The following SNTG1 variants were observed in gnomAD, a reference collection of about 807,000 sequenced individuals.
SNTG1 encodes gamma-1-syntrophin.
SNTG1 carries 39 observed loss-of-function variants against 74.7 expected under a neutral mutation model. The ratio of observed to expected loss-of-function variants is 0.52; its 90% CI spans 0.40 to 0.68. SNTG1 has a LOEUF of 0.68. Ranked by LOEUF, SNTG1 falls within the 30% of genes least tolerant of loss-of-function variation. The pLI, the probability that SNTG1 is intolerant of heterozygous loss-of-function variation, is 0.00. For synonymous variants in SNTG1, 254 were observed against 217.1 expected (o/e 1.17, Z -1.49); for missense variants, 685 against 609.5 (o/e 1.12, Z -1.30).
rs567571537 is a variant in SNTG1 at position 50,496,197 on chromosome 8, A to AT, written c.364-6580dup. Among the ~76,000 whole-genome samples the AT allele has an allele frequency of 2.7e-4, 41 of 152,268 alleles. 1 individual carries two copies. The East Asian group carries it at 3.5e-3, about 13-fold the overall frequency. On this transcript the variant is annotated intron_variant, in intron 8 of 18. Coordinates refer to ENST00000642720, the MANE Select transcript of SNTG1 (RefSeq NM_018967.5). The stretch of plus-strand genomic sequence containing the variant: ...TACTATGTCAAGTGGGATGAGTCCA[A>AT]TATCTAAGTGACCGTTTTCCATCAT...
intron 8 of SNTG1, among the ~76,000 whole-genome samples, chr8:50,476,857 G>GACACACACAGACAC (rs1554540527): frequency 6.9e-6 from 1 of 145,862 alleles, no homozygotes; most frequent in East Asian, 2.1e-4. Flanking sequence ...GACACACACA[G>GACACACACAGACAC]ACACACACAC....
chr8:50,782,288 C>G (rs2095661926), intron 18 of SNTG1, among the ~76,000 whole-genome samples: 1 of 152,174 alleles, frequency 6.6e-6, no homozygotes, highest in African/African-American at 2.4e-5. Flanking sequence ...TGGATAATAT[C>G]CTGCAGAGTG....
At chr8:50,489,685 T>A (rs2093832801) in intron 8 of SNTG1, among the ~76,000 whole-genome samples, 1 of 151,272 alleles carries the variant, frequency 6.6e-6, no homozygotes, top group Non-Finnish European at 1.5e-5. Context: ...CCCTTTGCCA[T>A]ATGGATAGAT....
At chr8:50,713,049 G>A (rs1337167272) in intron 17 of SNTG1, among the ~76,000 whole-genome samples, 1 of 152,094 alleles carries the variant, frequency 6.6e-6, no homozygotes, top group African/African-American at 2.4e-5. Context: ...TGGTATTTCT[G>A]GTTCTAGGTC....
chr8:50,374,146 C>T (rs574344952), intron 2 of SNTG1, among the ~76,000 whole-genome samples: 3 of 152,362 alleles, frequency 2.0e-5, no homozygotes, highest in Non-Finnish European at 4.4e-5. Flanking sequence ...CCACAATTTT[C>T]ACTGTCTTTT....
chr8:49,966,772 T>G (rs943493311), intron 1 of SNTG1, among the ~76,000 whole-genome samples: 1 of 152,200 alleles, frequency 6.6e-6, no homozygotes, highest in African/African-American at 2.4e-5. Context: ...ATTCCATTGG[T>G]AGTGAATTTG....
At chr8:50,047,987 T>G (rs900108540) in intron 1 of SNTG1, among the ~76,000 whole-genome samples, 1 of 152,148 alleles carries the variant, frequency 6.6e-6, no homozygotes, top group Non-Finnish European at 1.5e-5. Flanking sequence ...TTCAGAGTAT[T>G]AAATGAGAGG....
intron 13 of SNTG1, among the ~76,000 whole-genome samples, chr8:50,648,864 C>A (rs1380113215): frequency 6.6e-6 from 1 of 152,114 alleles, no homozygotes; most frequent in Non-Finnish European, 1.5e-5. Flanking sequence ...TAACTGTTAT[C>A]CTGAAAGGCT....
At chr8:50,747,607 T>A (rs2095558047) in intron 17 of SNTG1, among the ~76,000 whole-genome samples, 1 of 152,022 alleles carries the variant, frequency 6.6e-6, no homozygotes, top group African/African-American at 2.4e-5. Flanking sequence ...CATGTCGAAT[T>A]TTCCTTTTAC....
In SNTG1 at chr8:50,138,691, C is replaced by T. The variant is rs568458347; in HGVS notation, c.-102-33870C>T. 1.9e-4 allele frequency among the ~76,000 whole-genome samples: 29 copies of T among 150,562 alleles called. No homozygotes were observed. In the South Asian group the frequency reaches 3.8e-3, roughly 20 times the overall value. ...ATAATTCCTTGAAAGACTCATGCAC[C>T]TTCAAAGCACTGAAGGACATGCAGT... On this transcript the variant is annotated intron_variant, in intron 1 of 18. Coordinates refer to ENST00000642720, the MANE Select transcript of SNTG1 (RefSeq NM_018967.5).
chr8:49,994,519 C>A (rs1814016081), intron 1 of SNTG1, among the ~76,000 whole-genome samples: 1 of 151,506 alleles, frequency 6.6e-6, no homozygotes, highest in South Asian at 2.1e-4. Flanking sequence ...CCTGCCTTGG[C>A]CTCCCAAAGT....
At chr8:50,653,348 C>G (rs758308847) in intron 13 of SNTG1, among the ~76,000 whole-genome samples, 1 of 152,098 alleles carries the variant, frequency 6.6e-6, no homozygotes, top group East Asian at 1.9e-4. Context: ...AAGAGGATCA[C>G]TTGAGCTGGG....
intron 2 of SNTG1, among the ~76,000 whole-genome samples, chr8:50,248,364 C>T (rs1016953183): frequency 6.6e-6 from 1 of 152,158 alleles, no homozygotes; most frequent in Non-Finnish European, 1.5e-5. Flanking sequence ...CTTTCAATTT[C>T]TCTTCAGCCA....
chr8:50,570,552 C>T (rs1051881954), intron 12 of SNTG1, among the ~76,000 whole-genome samples: 1 of 145,152 alleles, frequency 6.9e-6, no homozygotes, highest in African/African-American at 2.5e-5. Context: ...GCCACCACGT[C>T]CAGCCTTATT....
rs554944950 is a variant in SNTG1, at chr8:50,348,609, C to T, written c.-27-45603C>T. ...TAATGTAGGATGATAAATCAGAAAT[C>T]CCTTCCTTGATTCAGAATACTTTCT... is the stretch of plus-strand genomic sequence containing the variant. On this transcript the variant is annotated intron_variant, in intron 2 of 18. Transcript: ENST00000642720. Among the ~76,000 whole-genome samples, 14 of 152,258 alleles carry T rather than the reference C, an allele frequency of 9.2e-5. No homozygotes were observed. In the South Asian group the frequency reaches 2.9e-3, roughly 32 times the overall value.
chr8:50,443,812 C>A (rs2131592642), intron 5 of SNTG1, among the ~76,000 whole-genome samples: 1 of 152,230 alleles, frequency 6.6e-6, no homozygotes, highest in Admixed American at 6.5e-5. Flanking sequence ...TGTTTCCTCT[C>A]TATGCTGTTT....
chr8:50,176,301 C>T (rs1327759664), intron 2 of SNTG1, among the ~76,000 whole-genome samples: 1 of 152,160 alleles, frequency 6.6e-6, no homozygotes, highest in African/African-American at 2.4e-5. Context: ...TCCCAGTACT[C>T]TCAGACAGAT....
At chr8:50,039,022 T>C (rs1239839298) in intron 1 of SNTG1, among the ~76,000 whole-genome samples, 2 of 152,200 alleles carry the variant, frequency 1.3e-5, no homozygotes, top group East Asian at 3.9e-4. Flanking sequence ...TGCCTTGTGC[T>C]TCTCATAGCT....
chr8:50,136,172 T>G (rs931685028), intron 1 of SNTG1, among the ~76,000 whole-genome samples: 3 of 152,174 alleles, frequency 2.0e-5, no homozygotes, highest in Admixed American at 6.5e-5. Flanking sequence ...ATATTTAGGT[T>G]GATTTCATGG....
Sources: allele counts gnomAD v4.1 joint callset (sites outside exome capture counted in the v4.1 genomes callset), GRCh38; gene constraint gnomAD v4.1.1; transcripts MANE v1.5; gene names NCBI Gene and HGNC (gene_info 2026-07-23, HGNC 2026-07-21).